The following SLC4A4 variants were observed in gnomAD, a reference collection of about 807,000 sequenced individuals.
SLC4A4 encodes the protein solute carrier family 4 member 4.
Under a neutral mutation model 111.5 loss-of-function variants are expected in SLC4A4, and 27 were observed. The ratio of observed to expected loss-of-function variants is 0.24; its 90% CI spans 0.18 to 0.33. The LOEUF is 0.33. Ranked by LOEUF, SLC4A4 falls within the 10% of genes least tolerant of loss-of-function variation. The pLI is 1.00. For synonymous variants in SLC4A4, 443 were observed against 463.4 expected, an observed-to-expected ratio of 0.96 and a Z score of 0.57; for missense variants, 909 against 1,315.5, an observed-to-expected ratio of 0.69 and a Z score of 4.78.
intron 7 of SLC4A4, among the ~76,000 whole-genome samples, chr4:71,417,090 CACA>C (rs2149011075): frequency 6.6e-6 from 1 of 152,202 alleles, no homozygotes; most frequent in East Asian, 1.9e-4. Context: ...GTAAAGATGC[CACA>C]ACACAGGTGT....
rs1725955301 is a variant in SLC4A4, at chr4:71,453,549, T to C, written c.1377T>C (p.Ser459=). 8.7e-6 allele frequency: 14 copies of C among 1,614,026 alleles called. No homozygotes were observed. Among genetic ancestry groups the C allele is most frequent in the Non-Finnish European group, 1.2e-5 (14 of 1,179,908 alleles). ...DIKRKAPFFA[S]DFYDALNIQA... is the part of the protein sequence containing the mutation. Reference sequence around the variant, plus strand: ...AGAGGAAAGCGCCATTTTTTGCCAGTGATTTTTATGATGCTTTAAATATTC... The same window carrying C: ...AGAGGAAAGCGCCATTTTTTGCCAGCGATTTTTATGATGCTTTAAATATTC... Residue 459 remains serine (S), a synonymous_variant, in exon 12 of 26, where the codon AGT becomes AGC. Transcript: ENST00000264485.
chr4:71,317,075 CGTGT>C (rs3039073), intron 3 of SLC4A4, among the ~76,000 whole-genome samples: 85,551 of 147,258 alleles, frequency 0.58, 25,148 homozygotes, highest in Non-Finnish European at 0.66. Flanking sequence ...TGTGTGTGTG[CGTGT>C]GTGTGTGTGT....
intron 23 of SLC4A4, among the ~76,000 whole-genome samples, chr4:71,562,158 T>A (rs2149254966): frequency 6.6e-6 from 1 of 151,948 alleles, no homozygotes; most frequent in Non-Finnish European, 1.5e-5. Flanking sequence ...AACAGATTTC[T>A]TGAAGCCAAA....
chr4:71,149,969 T>A (rs745643279), intron 2 of SLC4A4, among the ~76,000 whole-genome samples: 10 of 152,282 alleles, frequency 6.6e-5, no homozygotes, highest in South Asian at 4.1e-4. Context: ...TTTATTTTTT[T>A]AAAAAACTTA....
In SLC4A4 at chr4:71,292,842, G is replaced by GTTTTTTTTTTT. The variant is rs869195687; in HGVS notation, c.253+37452_253+37462dup. ...GTATGTCTTACTTTTGGTTTTTTTT[G>GTTTTTTTTTTT]TTTTTTTTTTTTTTTTTTTGAGACA... On this transcript the variant is annotated intron_variant, in intron 3 of 25. Coordinates refer to ENST00000264485, the MANE Select transcript of SLC4A4 (RefSeq NM_001098484.3). Among the ~76,000 whole-genome samples the GTTTTTTTTTTT allele has an allele frequency of 1.8e-3, 203 of 110,140 alleles. 3 individuals carry two copies. Among genetic ancestry groups the GTTTTTTTTTTT allele is most frequent in the East Asian group, 3.3e-3 (12 of 3,692 alleles). The allele number at this position is 110,140 out of a possible 152,430, so 72.3% of individuals were successfully genotyped here.
intron 6 of SLC4A4, among the ~76,000 whole-genome samples, chr4:71,385,765 A>T (rs1459619429): frequency 6.6e-6 from 1 of 152,104 alleles, no homozygotes; most frequent in Non-Finnish European, 1.5e-5. Flanking sequence ...CACCTATGGA[A>T]TCCCTTGATA....
rs1731086920 is a variant in SLC4A4, at chr4:71,364,671, G to C, written c.730+7484G>C. Among the ~76,000 whole-genome samples, 3 of 152,136 alleles carry C rather than the reference G, an allele frequency of 2.0e-5. 1 individual carries two copies. The South Asian group carries it at 6.2e-4, about 32-fold the overall frequency. ...CTCTTGACTTAATCACTTTACAAAG[G>C]CTTCACCTTTTAATACTATTGCATT... On this transcript the variant is annotated intron_variant, in intron 6 of 25. Transcript: ENST00000264485.
At chr4:71,424,325 A>G (rs563774677) in intron 7 of SLC4A4, among the ~76,000 whole-genome samples, 1 of 152,068 alleles carries the variant, frequency 6.6e-6, no homozygotes, top group African/African-American at 2.4e-5. Flanking sequence ...GGCAATCGTT[A>G]AAAAGTCAGG....
chr4:71,437,400 G>A, intron 7 of SLC4A4: 1 of 307,270 alleles, frequency 3.3e-6, no homozygotes, highest in Non-Finnish European at 6.4e-6. Context: ...GGTGGGGATT[G>A]CATCGGGTAA....
intron 6 of SLC4A4, among the ~76,000 whole-genome samples, chr4:71,397,286 A>C (rs1719907730): frequency 6.6e-6 from 1 of 152,204 alleles, no homozygotes; most frequent in African/African-American, 2.4e-5. Flanking sequence ...ACCAGGAACA[A>C]TTTTATTTTT....
intron 14 of SLC4A4, among the ~76,000 whole-genome samples, chr4:71,477,755 T>A (rs1358227774): frequency 6.6e-6 from 1 of 151,836 alleles, no homozygotes; most frequent in Non-Finnish European, 1.5e-5. Context: ...TCACTTGTTT[T>A]CTCTTCTGTC....
chr4:71,157,520 A>G (rs761910129), intron 2 of SLC4A4, among the ~76,000 whole-genome samples: 1 of 152,172 alleles, frequency 6.6e-6, no homozygotes, highest in African/African-American at 2.4e-5. Flanking sequence ...AAATTAGCAT[A>G]AGCAATATTT....
intron 3 of SLC4A4, among the ~76,000 whole-genome samples, chr4:71,263,426 G>A (rs1445913069): frequency 3.3e-5 from 5 of 152,130 alleles, no homozygotes; most frequent in African/African-American, 1.2e-4. Flanking sequence ...GAGACTCAAA[G>A]GCAGAGGCAA....
At chr4:71,452,130 A>G (rs1455561658) in intron 11 of SLC4A4, among the ~76,000 whole-genome samples, 1 of 152,010 alleles carries the variant, frequency 6.6e-6, no homozygotes, top group Admixed American at 6.6e-5. Context: ...GTATGTCATT[A>G]TAATATGCAA....
At chr4:71,451,373 ATAT>A in intron 11 of SLC4A4, 72 bp downstream of exon 11, 1 of 973,570 alleles carries the variant, frequency 1.0e-6, no homozygotes, top group Non-Finnish European at 1.7e-6. Flanking sequence ...ATCTATCAAC[ATAT>A]TATTCACTAG....
At chr4:71,381,551 C>T (rs573102181) in intron 6 of SLC4A4, among the ~76,000 whole-genome samples, 126 of 152,254 alleles carry the variant, frequency 8.3e-4, no homozygotes, top group African/African-American at 2.3e-3. Context: ...TTTTATCATA[C>T]CCAGTTATAG....
At chr4:71,293,109 G>A (rs1724505573) in intron 3 of SLC4A4, among the ~76,000 whole-genome samples, 1 of 150,572 alleles carries the variant, frequency 6.6e-6, no homozygotes, top group Non-Finnish European at 1.5e-5. Flanking sequence ...CCAAAGTGCT[G>A]GGATTACAGG....
intron 2 of SLC4A4, among the ~76,000 whole-genome samples, chr4:71,136,889 G>T (rs372274083): frequency 2.7e-4 from 41 of 152,204 alleles, no homozygotes; most frequent in African/African-American, 9.9e-4. Context: ...ATACAAAGAG[G>T]CTGTATTACT....
chr4:71,450,937 AT>A (rs1407792791), intron 10 of SLC4A4, among the ~76,000 whole-genome samples: 2 of 152,206 alleles, frequency 1.3e-5, no homozygotes, highest in East Asian at 3.9e-4. Context: ...CTAGAAATCT[AT>A]TTTTTCCCAG....
Sources: gnomAD v4.1 joint callset for allele counts (sites outside exome capture counted in the v4.1 genomes callset) on GRCh38, gnomAD v4.1.1 for gene constraint, MANE v1.5 for transcripts, NCBI Gene and HGNC (gene_info 2026-07-23, HGNC 2026-07-21) for gene names.